The following MAD2L1 variants were observed in gnomAD, a reference collection of about 807,000 sequenced individuals.
MAD2L1 encodes the protein mitotic spindle assembly checkpoint protein MAD2A.
A neutral mutation model predicts 25.9 loss-of-function variants in MAD2L1; 10 were observed. The observed-to-expected ratio is 0.39, with a 90% CI of 0.24 to 0.66. MAD2L1 has a LOEUF of 0.66. Among genes scored for constraint, MAD2L1 ranks in the 30% least tolerant of loss-of-function variants. The pLI is 0.49. For synonymous variants in MAD2L1, 81 were observed against 91.8 expected (o/e 0.88, Z 0.67); for missense variants, 180 against 246.4 (o/e 0.73, Z 1.80).
At chr4:120,065,955 G>C in intron 1 of MAD2L1, 137 bp from the exon 2 acceptor site, 2 of 766,572 alleles carry the variant, frequency 2.6e-6, no homozygotes, top group Non-Finnish European at 4.1e-6. Context: ...CTTGCTGAAA[G>C]CAGAGTAGGT....
chr4:120,064,502 T>C (rs765470729), intron 2 of MAD2L1, among the ~76,000 whole-genome samples: 3 of 152,224 alleles, frequency 2.0e-5, no homozygotes, highest in Non-Finnish European at 4.4e-5. Context: ...GGTTTGTTAC[T>C]GGCATTTGGT....
chr4:120,066,199 C>T (rs1050020540), intron 1 of MAD2L1, among the ~76,000 whole-genome samples: 1 of 152,144 alleles, frequency 6.6e-6, no homozygotes, highest in African/African-American at 2.4e-5. Flanking sequence ...CCTTTATCTT[C>T]CCCTTTCCCT....
At chr4:120,065,904 C>T in intron 1 of MAD2L1, 86 bp from the exon 2 acceptor site, 2 of 1,373,298 alleles carry the variant, frequency 1.5e-6, no homozygotes, top group East Asian at 2.3e-5. Flanking sequence ...GCTATATTTT[C>T]ATTAGGCTAT....
Position 120,056,248 on chromosome 4 carries a change from A to C in MAD2L1, c.*3870T>G, listed in dbSNP as rs1172523624. On this transcript the variant is annotated 3_prime_UTR_variant, in exon 5 of 5. Coordinates refer to ENST00000296509, the MANE Select transcript of MAD2L1 (RefSeq NM_002358.4). ...TTGACCCCCAGTTTTACTTGTGCAC[A>C]AAAGCATGAGAATTAAATAAAAATT... is the stretch of plus-strand genomic sequence containing the variant. The C allele has an allele frequency of 6.6e-6, 1 of 152,250 alleles. No homozygotes were observed. Among genetic ancestry groups the C allele is most frequent in the African/African-American group, 2.4e-5 (1 of 41,464 alleles). The allele number at this position is 152,250 out of a possible 1,614,324, so 9.4% of individuals were successfully genotyped here.
intron 2 of MAD2L1, among the ~76,000 whole-genome samples, chr4:120,063,979 G>C (rs954557268): frequency 6.6e-6 from 1 of 152,164 alleles, no homozygotes; most frequent in Non-Finnish European, 1.5e-5. Flanking sequence ...GTGCCAGAGT[G>C]AGACTCCAAA....
At chr4:120,062,574 G>A (rs1726240936) in intron 2 of MAD2L1, among the ~76,000 whole-genome samples, 1 of 152,162 alleles carries the variant, frequency 6.6e-6, no homozygotes, top group Non-Finnish European at 1.5e-5. Context: ...ATACTGCCAA[G>A]GGAAGAGCAT....
chr4:120,060,352 C>T (rs983885082), intron 4 of MAD2L1, 62 bp from the exon 5 acceptor site: 2 of 1,350,402 alleles, frequency 1.5e-6, no homozygotes, highest in Non-Finnish European at 2.0e-6. Context: ...AATCTTGCTG[C>T]CTCTCTTCTA....
At chr4:120,065,408 T>C (rs1172710200) in intron 2 of MAD2L1, 6 of 316,674 alleles carry the variant, frequency 1.9e-5, no homozygotes, top group Non-Finnish European at 3.5e-5. Context: ...TTTGGCCACA[T>C]TTACTGCAAA....
Position 120,065,605 on chromosome 4 carries a change from G to A in MAD2L1, c.220+67C>T, listed in dbSNP as rs571377403. 1.4e-4 allele frequency: 200 copies of A among 1,464,648 alleles called. 2 individuals are homozygous for A. In the South Asian group the frequency reaches 2.3e-3, roughly 17 times the overall value. The allele number at this position is 1,464,648 out of a possible 1,614,324, so 90.7% of individuals were successfully genotyped here. The stretch of plus-strand genomic sequence containing the variant: ...GTCAGTACACTTCTATGTGCAGAGC[G>A]GAAAAATGACTGCTTAAGATGCTAG... On this transcript the variant is annotated intron_variant, in intron 2 of 4. Coordinates refer to ENST00000296509, the MANE Select transcript of MAD2L1 (RefSeq NM_002358.4).
At chr4:120,060,737 C>T in intron 4 of MAD2L1, 137 bp downstream of exon 4, 1 of 590,460 alleles carries the variant, frequency 1.7e-6, no homozygotes, top group Non-Finnish European at 3.0e-6. Flanking sequence ...ATTACTTTTG[C>T]ATGATAATGT....
chr4:120,060,993 C>A lies in MAD2L1; in HGVS notation c.342-16G>T. 6.9e-7 allele frequency: 1 copy of A among 1,443,612 alleles called. No individual in the cohort carries two copies. Among genetic ancestry groups the A allele is most frequent in the South Asian group, 1.2e-5 (1 of 86,632 alleles). 89.4% of individuals were successfully genotyped at this position (1,443,612 alleles called of 1,614,324 possible). ...TCTGGGTGCACTGTCAAAAAAAAAT[C>A]AAATCAATTAATTCATTTCAGGTCT... On this transcript the variant is annotated splice_polypyrimidine_tract_variant and intron_variant, in intron 3 of 4. Coordinates refer to ENST00000296509, the MANE Select transcript of MAD2L1 (RefSeq NM_002358.4).
At chr4:120,060,783 T>A in intron 4 of MAD2L1, 91 bp downstream of exon 4, 1 of 752,566 alleles carries the variant, frequency 1.3e-6, no homozygotes, top group Non-Finnish European at 2.2e-6. Context: ...ATCTGATAAA[T>A]AAGACAAAAT....
intron 1 of MAD2L1, among the ~76,000 whole-genome samples, 153 bp downstream of exon 1, chr4:120,066,509 G>A (rs1050816665): frequency 2.6e-5 from 4 of 152,184 alleles, no homozygotes; most frequent in African/African-American, 9.7e-5. Flanking sequence ...GCAGCACGCA[G>A]GCCTGCAGCT....
At chr4:120,060,759 T>G in intron 4 of MAD2L1, 115 bp downstream of exon 4, 1 of 643,946 alleles carries the variant, frequency 1.6e-6, no homozygotes, top group Non-Finnish European at 2.7e-6. Context: ...TTTCCTTCAA[T>G]TTATATTACA....
intron 2 of MAD2L1, among the ~76,000 whole-genome samples, chr4:120,064,529 T>C (rs150691627): frequency 1.6e-4 from 25 of 152,292 alleles, no homozygotes; most frequent in African/African-American, 5.5e-4. Context: ...AGGCCATAGT[T>C]GTTGGTAAAC....
Position 120,066,824 on chromosome 4 carries a change from A to C in MAD2L1, c.-90T>G. ...AGCACTTCCCCGCCAAGCGTTTCAA[A>C]AGTAACGACGCAGCACGTCGTCAGG... On this transcript the variant is annotated 5_prime_UTR_variant, in exon 1 of 5. Transcript: ENST00000296509. The C allele has an allele frequency of 1.0e-6, 1 of 959,968 alleles. No homozygotes were observed. The highest frequency in any genetic ancestry group is 1.6e-6 in the Non-Finnish European group (1 of 615,252). The allele number at this position is 959,968 out of a possible 1,614,324, so 59.5% of individuals were successfully genotyped here.
rs188864852 is a variant in MAD2L1, at chr4:120,062,640, T to C, written c.221-545A>G. Among the ~76,000 whole-genome samples the C allele has an allele frequency of 4.4e-3, 673 of 151,908 alleles. 4 individuals are homozygous for C. The highest frequency in any genetic ancestry group is 0.015 in the African/African-American group (625 of 41,422). Reference sequence around the variant, plus strand: ...GCAATCAAGAAACAAACAAACAAAATAAAACAAAGTAATCCTTGCAAGATT... The same window carrying C: ...GCAATCAAGAAACAAACAAACAAAACAAAACAAAGTAATCCTTGCAAGATT... On this transcript the variant is annotated intron_variant, in intron 2 of 4. Transcript: ENST00000296509.
At position 120,060,880 on chromosome 4, in the gene MAD2L1, C is replaced by A. The variant is rs1458362886; in HGVS notation, c.439G>T (p.Val147Phe). The A allele has an allele frequency of 6.2e-7, 1 of 1,600,162 alleles. No homozygotes were observed. Residue 147 changes from valine (V) to phenylalanine (F), a missense_variant, in exon 4 of 5, where the codon GTT becomes TTT. Val to Phe is a conservative substitution (Grantham distance 50, BLOSUM62 -1). Coordinates refer to ENST00000296509, the MANE Select transcript of MAD2L1 (RefSeq NM_002358.4). The stretch of plus-strand genomic sequence containing the variant: ...GAAGTTGTATAATACTTACAAGAAA[C>A]TTCCAACAGTGGCAGAAATGTCACC... ...ATVTFLPLLE[V>F]SCSFDLLIYT...
intron 2 of MAD2L1, among the ~76,000 whole-genome samples, chr4:120,065,110 C>T (rs1247466710): frequency 6.6e-6 from 1 of 152,126 alleles, no homozygotes; most frequent in Non-Finnish European, 1.5e-5. Flanking sequence ...ACAGAAAAGG[C>T]TTACTGAATC....
Sources: gnomAD v4.1 joint callset for allele counts (sites outside exome capture counted in the v4.1 genomes callset) on GRCh38, gnomAD v4.1.1 for gene constraint, MANE v1.5 for transcripts, NCBI Gene and HGNC (gene_info 2026-07-23, HGNC 2026-07-21) for gene names.